Variants in ITSN1 observed in about 807,000 individuals in gnomAD.
ITSN1 encodes intersectin-1.
Under a neutral mutation model 239.8 loss-of-function variants are expected in ITSN1, and 58 were observed. The ratio of observed to expected loss-of-function variants is 0.24; its 90% CI spans 0.20 to 0.30. The LOEUF is 0.30. Ranked by LOEUF, ITSN1 falls within the 10% of genes least tolerant of loss-of-function variation. The probability of loss-of-function intolerance (pLI) is 1.00; values close to 1 mark genes in which losing one functional copy is unlikely to be tolerated. For synonymous variants in ITSN1, 780 were observed against 770.8 expected, an observed-to-expected ratio of 1.01 and a Z score of -0.20; for missense variants, 1,558 against 2,103.3, an observed-to-expected ratio of 0.74 and a Z score of 5.07.
At chr21:33,849,430 G>A (rs1177883304) in intron 29 of ITSN1, among the ~76,000 whole-genome samples, 1 of 151,986 alleles carries the variant, frequency 6.6e-6, no homozygotes, top group Admixed American at 6.6e-5. Flanking sequence ...GCTGGGCGTG[G>A]TGGCGCATGC....
chr21:33,687,363 A>T (rs1568938180), intron 1 of ITSN1, among the ~76,000 whole-genome samples: 1 of 138,076 alleles, frequency 7.2e-6, no homozygotes, highest in Non-Finnish European at 1.5e-5. Context: ...GTGCCATTGC[A>T]CTTCAGCCTG....
intron 12 of ITSN1, 59 bp downstream of exon 12, chr21:33,772,382 T>C (rs771315639): frequency 1.6e-5 from 25 of 1,528,954 alleles, no homozygotes; most frequent in Middle Eastern, 4.4e-4. Flanking sequence ...TTTTCAGAAT[T>C]ATCCAAGTGA....
rs749392702 is a variant in ITSN1, at chr21:33,813,946, G to A, written c.2601G>A (p.Thr867=). Residue 867 remains threonine (T), a synonymous_variant, in exon 22 of 40, where the codon ACG becomes ACA. Transcript: ENST00000381318. ...WPTSTNEKPE[T]DNWDAWAAQP... is the part of the protein sequence containing the mutation. Reference sequence around the variant, plus strand: ...CCAGCACGAATGAGAAACCAGAAACGGATAACTGGGATGCATGGGCAGCCC... The same window carrying A: ...CCAGCACGAATGAGAAACCAGAAACAGATAACTGGGATGCATGGGCAGCCC... The A allele has an allele frequency of 4.3e-6, 7 of 1,613,772 alleles. No homozygotes were observed. The highest frequency in any genetic ancestry group is 1.1e-5 in the South Asian group (1 of 91,068).
At position 33,865,374 on chromosome 21, in the gene ITSN1, G is replaced by A. The variant is rs1569318574; in HGVS notation, c.4074+40G>A. On this transcript the variant is annotated intron_variant, in intron 32 of 39. Coordinates refer to ENST00000381318, the MANE Select transcript of ITSN1 (RefSeq NM_003024.3). This position sits in a 1 kb window ranked among gnomAD's most constrained non-coding sequence, Gnocchi z 4.4. The stretch of plus-strand genomic sequence containing the variant: ...TGTGCAGAGACTGGGCCCCAGAGTG[G>A]CGATCTTTGGGCAGCTGGATGTGTG... The A allele has an allele frequency of 1.4e-6, 2 of 1,449,674 alleles. No homozygotes were observed. The highest frequency in any genetic ancestry group is 2.5e-5 in the Admixed American group (1 of 39,944). 89.8% of individuals were successfully genotyped at this position (1,449,674 alleles called of 1,614,324 possible). A position where few individuals can be genotyped will look rare whatever the true frequency, so the allele number is the denominator to read the frequency against.
intron 25 of ITSN1, 138 bp from the exon 26 acceptor site, chr21:33,826,680 G>C (rs539369258): frequency 1.2e-5 from 8 of 685,146 alleles, no homozygotes; most frequent in Non-Finnish European, 2.1e-5. Context: ...CCTTGTGTCA[G>C]GTGATACAGT....
chr21:33,736,377 T>C (rs2066502097), intron 5 of ITSN1, among the ~76,000 whole-genome samples: 3 of 152,226 alleles, frequency 2.0e-5, no homozygotes, highest in Non-Finnish European at 2.9e-5. Context: ...TTAAAAACAA[T>C]GTATTGCCTT....
intron 1 of ITSN1, among the ~76,000 whole-genome samples, chr21:33,664,208 G>A (rs1370913853): frequency 6.6e-6 from 1 of 152,164 alleles, no homozygotes; most frequent in Non-Finnish European, 1.5e-5. Flanking sequence ...TAGAGCATCC[G>A]GTGAGGTCCT....
At chr21:33,816,808 A>G (rs1287988942) in intron 22 of ITSN1, among the ~76,000 whole-genome samples, 1 of 152,150 alleles carries the variant, frequency 6.6e-6, no homozygotes, top group Non-Finnish European at 1.5e-5. Context: ...GGTCGAGAAT[A>G]TACAATCTTA....
intron 8 of ITSN1, among the ~76,000 whole-genome samples, chr21:33,760,272 T>TAGA: frequency 6.6e-6 from 1 of 152,254 alleles, no homozygotes; most frequent in Admixed American, 6.5e-5. Flanking sequence ...GCTATTTGGT[T>TAGA]AGAAGTTAGG....
chr21:33,832,464 TTGAG>T (rs1387204927), intron 27 of ITSN1, among the ~76,000 whole-genome samples: 2 of 152,202 alleles, frequency 1.3e-5, no homozygotes, highest in Admixed American at 1.3e-4. Flanking sequence ...AAGTGAGTGT[TTGAG>T]TGGTTCTTAG....
At chr21:33,678,142 A>C (rs1337244743) in intron 1 of ITSN1, among the ~76,000 whole-genome samples, 1 of 152,106 alleles carries the variant, frequency 6.6e-6, no homozygotes, top group Non-Finnish European at 1.5e-5. Context: ...CGGTAGCCTA[A>C]CATGTCTCTT....
chr21:33,658,544 G>C (rs2089282872), intron 1 of ITSN1, among the ~76,000 whole-genome samples: 2 of 152,126 alleles, frequency 1.3e-5, no homozygotes, highest in African/African-American at 2.4e-5. Flanking sequence ...GAAAAGGCAC[G>C]GTAAAAATAT....
At chr21:33,794,071 C>T (rs1404282400) in intron 16 of ITSN1, among the ~76,000 whole-genome samples, 1 of 152,192 alleles carries the variant, frequency 6.6e-6, no homozygotes, top group Non-Finnish European at 1.5e-5. Flanking sequence ...AGCTCACCTC[C>T]TGCCCTTCGC....
chr21:33,822,157 A>C (rs930780807), intron 24 of ITSN1, among the ~76,000 whole-genome samples: 1 of 152,242 alleles, frequency 6.6e-6, no homozygotes, highest in Non-Finnish European at 1.5e-5. Context: ...TGACAGGTCA[A>C]CACTGGCGCT....
chr21:33,763,244 A>AAC (rs1418890521), intron 9 of ITSN1, among the ~76,000 whole-genome samples: 4 of 151,530 alleles, frequency 2.6e-5, no homozygotes, highest in African/African-American at 4.8e-5. Context: ...AAAAAAAAAA[A>AAC]AAAAAAAAAC....
intron 1 of ITSN1, among the ~76,000 whole-genome samples, chr21:33,704,959 A>C (rs949999128): frequency 2.5e-4 from 38 of 150,492 alleles, no homozygotes; most frequent in African/African-American, 9.3e-4. Context: ...ACAAACAAAA[A>C]CATTAGCCAG....
intron 1 of ITSN1, among the ~76,000 whole-genome samples, chr21:33,668,393 G>A (rs898705232): frequency 6.6e-6 from 1 of 152,228 alleles, no homozygotes; most frequent in Non-Finnish European, 1.5e-5. Flanking sequence ...TCTGCCATGA[G>A]GAGTAAGCCA....
intron 1 of ITSN1, among the ~76,000 whole-genome samples, chr21:33,664,519 C>G (rs1024058478): frequency 6.6e-6 from 1 of 152,094 alleles, no homozygotes. Context: ...AGCCCCACCT[C>G]CCTACACTGC....
intron 16 of ITSN1, among the ~76,000 whole-genome samples, chr21:33,789,587 AT>A (rs1275474538): frequency 6.6e-6 from 1 of 152,050 alleles, no homozygotes; most frequent in Non-Finnish European, 1.5e-5. Context: ...CCCTGTTGCT[AT>A]TTTTTTCTCT....
Sources: gnomAD v4.1 joint callset for allele counts (sites outside exome capture counted in the v4.1 genomes callset) on GRCh38, gnomAD v4.1.1 for gene constraint, Gnocchi (gnomAD v3.1) non-coding constraint, MANE v1.5 for transcripts, NCBI Gene and HGNC (gene_info 2026-07-23, HGNC 2026-07-21) for gene names.